GLI3: variants seen among roughly 807,000 people sequenced by gnomAD.
GLI3 encodes transcription activator GLI3.
GLI3 carries 20 observed loss-of-function variants against 100.8 expected under a neutral mutation model. The ratio of observed to expected loss-of-function variants is 0.20; its 90% CI spans 0.14 to 0.29. The LOEUF (loss-of-function observed/expected upper bound fraction) is 0.29, where lower values mean the gene tolerates loss of function less well. Ranked by LOEUF, GLI3 falls within the 10% of genes least tolerant of loss-of-function variation. GLI3 has a pLI of 1.00. For synonymous variants in GLI3, 938 were observed against 860.5 expected (o/e 1.09, Z -1.58); for missense variants, 2,040 against 2,128.5 (o/e 0.96, Z 0.82).
rs1333722953 is a variant in GLI3, at chr7:42,247,943, A to C, written c.-43+16051T>G. On this transcript the variant is annotated intron_variant, in intron 1 of 2. Transcript: ENST00000678978. Reference sequence around the variant, plus strand: ...AACAATGCTGCTTTTGAGCTTTCCTATCTGATCCATTAGACAGAATAGACA... The same window carrying C: ...AACAATGCTGCTTTTGAGCTTTCCTCTCTGATCCATTAGACAGAATAGACA... Among the ~76,000 whole-genome samples the C allele has an allele frequency of 4.6e-5, 7 of 152,340 alleles. No individual in the cohort carries two copies. In the South Asian group the frequency reaches 1.4e-3, roughly 32 times the overall value.
At chr7:42,102,831 T>C (rs1785496039) in intron 3 of GLI3, among the ~76,000 whole-genome samples, 1 of 152,152 alleles carries the variant, frequency 6.6e-6, no homozygotes, top group Non-Finnish European at 1.5e-5. Context: ...ACCCCCTGAA[T>C]ACAAGGATAT....
At chr7:42,050,745 T>C (rs1361726821) in intron 4 of GLI3, among the ~76,000 whole-genome samples, 1 of 152,154 alleles carries the variant, frequency 6.6e-6, no homozygotes, top group African/African-American at 2.4e-5. Context: ...GAACTAAACA[T>C]CAGGGTGGGC....
intron 10 of GLI3, among the ~76,000 whole-genome samples, chr7:41,984,843 A>G (rs1787771219): frequency 6.6e-6 from 1 of 152,258 alleles, no homozygotes; most frequent in Admixed American, 6.5e-5. Flanking sequence ...TCTACAAGGT[A>G]CGACGCCAAG....
At chr7:42,175,850 T>A (rs1787470284) in intron 2 of GLI3, among the ~76,000 whole-genome samples, 1 of 152,194 alleles carries the variant, frequency 6.6e-6, no homozygotes, top group African/African-American at 2.4e-5. Context: ...ATCCTCACCA[T>A]GAGCTTATTG....
At chr7:42,066,295 A>G (rs1175428617) in intron 4 of GLI3, among the ~76,000 whole-genome samples, 1 of 152,140 alleles carries the variant, frequency 6.6e-6, no homozygotes, top group African/African-American at 2.4e-5. Context: ...GTTTCTCTCC[A>G]ATACACTCGG....
chr7:42,016,688 TCATCATCATCACCAC>T (rs964433162), intron 10 of GLI3, among the ~76,000 whole-genome samples: 1 of 152,044 alleles, frequency 6.6e-6, no homozygotes, highest in Non-Finnish European at 1.5e-5. Context: ...TCTTCTCAAA[TCATCATCATCACCAC>T]CATCATCATC....
chr7:42,141,743 G>A (rs1197963429), intron 3 of GLI3, among the ~76,000 whole-genome samples: 1 of 152,188 alleles, frequency 6.6e-6, no homozygotes, highest in Non-Finnish European at 1.5e-5. Flanking sequence ...TACATTGCCT[G>A]CTCTCAGGAA....
intron 1 of GLI3, among the ~76,000 whole-genome samples, chr7:42,243,928 G>A (rs910470267): frequency 3.9e-5 from 6 of 152,086 alleles, no homozygotes; most frequent in Non-Finnish European, 8.8e-5. Flanking sequence ...CCACCTCCCG[G>A]GTTCAACCAA....
At chr7:42,127,403 A>C (rs955177179) in intron 3 of GLI3, among the ~76,000 whole-genome samples, 2 of 152,200 alleles carry the variant, frequency 1.3e-5, no homozygotes, top group African/African-American at 4.8e-5. Flanking sequence ...GAAGCTCATA[A>C]ATCTACCCAC....
chr7:42,016,298 C>T (rs1291708928), intron 10 of GLI3, among the ~76,000 whole-genome samples: 5 of 152,210 alleles, frequency 3.3e-5, no homozygotes, highest in East Asian at 1.9e-4. Flanking sequence ...CCCAGAGCGC[C>T]GCTCCAGTTC....
At chr7:42,230,382 C>A (rs1429862165) in intron 1 of GLI3, among the ~76,000 whole-genome samples, 2 of 152,124 alleles carry the variant, frequency 1.3e-5, no homozygotes, top group African/African-American at 4.8e-5. Flanking sequence ...GACAGACATA[C>A]CCAAATGGAA....
At position 42,045,372 on chromosome 7, in the gene GLI3, C is replaced by T. The variant is rs935497726; in HGVS notation, c.826+12G>A. On this transcript the variant is annotated intron_variant, in intron 6 of 14. Coordinates refer to ENST00000395925, the MANE Select transcript of GLI3 (RefSeq NM_000168.6). Reference sequence around the variant, plus strand: ...ATTTCCCAAGACTCTAGAAACCAGCCCCGTCACTTACTATCCATAGCATGA... The same window carrying T: ...ATTTCCCAAGACTCTAGAAACCAGCTCCGTCACTTACTATCCATAGCATGA... 4 of 1,612,814 alleles carry T rather than the reference C, an allele frequency of 2.5e-6. No individual in the cohort carries two copies. The highest frequency in any genetic ancestry group is 2.2e-5 in the East Asian group (1 of 44,880).
At chr7:42,064,419 G>C (rs1784633440) in intron 4 of GLI3, among the ~76,000 whole-genome samples, 1 of 152,182 alleles carries the variant, frequency 6.6e-6, no homozygotes, top group Non-Finnish European at 1.5e-5. Context: ...CAAGGATCCG[G>C]TTAACTTGTG....
intron 1 of GLI3, among the ~76,000 whole-genome samples, chr7:42,250,539 A>T (rs1789020160): frequency 6.6e-6 from 1 of 152,028 alleles, no homozygotes; most frequent in African/African-American, 2.4e-5. Flanking sequence ...TCAGGCCTTG[A>T]CTCAGGGCCC....
At chr7:42,082,291 C>T (rs1209661831) in intron 3 of GLI3, among the ~76,000 whole-genome samples, 2 of 152,062 alleles carry the variant, frequency 1.3e-5, no homozygotes, top group South Asian at 2.1e-4. Flanking sequence ...GCCTGCAAGT[C>T]GTTTTTCCAG....
intron 2 of GLI3, among the ~76,000 whole-genome samples, chr7:42,203,020 C>T (rs1476474816): frequency 2.0e-5 from 3 of 152,196 alleles, no homozygotes; most frequent in Non-Finnish European, 2.9e-5. Flanking sequence ...ACATTCCCAC[C>T]CCAGTCTTGA....
intron 2 of GLI3, among the ~76,000 whole-genome samples, chr7:42,222,480 C>A (rs1404432198): frequency 6.6e-6 from 1 of 152,186 alleles, no homozygotes; most frequent in African/African-American, 2.4e-5. Flanking sequence ...CAGGGATGCT[C>A]TGGAATTTAT....
intron 5 of GLI3, among the ~76,000 whole-genome samples, chr7:42,047,643 G>T (rs996752057): frequency 1.3e-5 from 2 of 152,198 alleles, no homozygotes; most frequent in Admixed American, 1.3e-4. Context: ...TTGACACCAG[G>T]AGAATACACA....
intron 10 of GLI3, among the ~76,000 whole-genome samples, chr7:41,995,802 CCATGCAGA>C (rs113783797): frequency 3.9e-5 from 6 of 152,116 alleles, no homozygotes; most frequent in African/African-American, 1.2e-4. Flanking sequence ...CCGAAAGCAT[CCATGCAGA>C]CATGCAGACA....
Sources: allele counts gnomAD v4.1 joint callset (sites outside exome capture counted in the v4.1 genomes callset), GRCh38; gene constraint gnomAD v4.1.1; transcripts MANE v1.5; gene names NCBI Gene and HGNC (gene_info 2026-07-23, HGNC 2026-07-21).